Variants in R3HDM1 observed in about 807,000 individuals in gnomAD.
R3HDM1 encodes R3H domain-containing protein 1.
A neutral mutation model predicts 141.1 loss-of-function variants in R3HDM1; 46 were observed. That is an observed-to-expected ratio of 0.33 (90% confidence interval 0.26 to 0.42). R3HDM1 has a LOEUF of 0.42. Among genes scored for constraint, R3HDM1 ranks in the 10% least tolerant of loss-of-function variants. R3HDM1 has a pLI of 1.00. For synonymous variants in R3HDM1, 435 were observed against 472.9 expected (o/e 0.92, Z 1.04); for missense variants, 1,184 against 1,368.3 (o/e 0.87, Z 2.12).
At chr2:135,534,850 C>G (rs193159853) in intron 1 of R3HDM1, among the ~76,000 whole-genome samples, 2 of 152,164 alleles carry the variant, frequency 1.3e-5, no homozygotes, top group African/African-American at 4.8e-5. Context: ...TGAACTGGTA[C>G]TTTAATATAC....
intron 21 of R3HDM1, among the ~76,000 whole-genome samples, chr2:135,690,845 T>C (rs1355492674): frequency 6.6e-6 from 1 of 152,200 alleles, no homozygotes; most frequent in Non-Finnish European, 1.5e-5. Flanking sequence ...GTGCTTTAGC[T>C]ATTTCATTTT....
chr2:135,637,297 C>T lies in R3HDM1; in HGVS notation c.903+1114C>T, dbSNP rs1202958562. Reference sequence around the variant, plus strand: ...CTTACAGGAGTGAAGAGTTCCAAGTCGAGAGTCAGTATGTACAGAGGCCCA... The same window carrying T: ...CTTACAGGAGTGAAGAGTTCCAAGTTGAGAGTCAGTATGTACAGAGGCCCA... On this transcript the variant is annotated intron_variant, in intron 11 of 26. Coordinates refer to ENST00000683871, the MANE Select transcript of R3HDM1 (RefSeq NM_001378107.1). Among the ~76,000 whole-genome samples, 3 of 152,010 alleles carry T rather than the reference C, an allele frequency of 2.0e-5. 1 individual carries two copies. Among genetic ancestry groups the T allele is most frequent in the Admixed American group, 2.0e-4 (3 of 15,270 alleles).
Position 135,721,986 on chromosome 2 carries a change from G to C in R3HDM1, c.2944G>C (p.Gly982Arg), listed in dbSNP as rs780083659. The C allele has an allele frequency of 4.3e-6, 7 of 1,613,506 alleles. No homozygotes were observed. The Admixed American group carries it at 1.2e-4, about 27-fold the overall frequency. Residue 982 changes from glycine (G) to arginine (R), a missense_variant, in exon 25 of 27, where the codon GGA becomes CGA. Gly to Arg is a moderately radical substitution (Grantham distance 125, BLOSUM62 -2). Coordinates refer to ENST00000683871, the MANE Select transcript of R3HDM1 (RefSeq NM_001378107.1). ...LQYNPPAVLH[G>R]HIPNQQGQPG... ...GTACAATCCTCCTGCTGTTCTGCAC[G>C]GACACATTCCAAACCAACAGGTAGG...
chr2:135,534,037 C>T (rs888615246), intron 1 of R3HDM1: 2 of 984,648 alleles, frequency 2.0e-6, no homozygotes, highest in African/African-American at 3.5e-5. Flanking sequence ...AGAACACATT[C>T]TGTTACTGAA....
chr2:135,536,618 C>G lies in R3HDM1; in HGVS notation c.-250+4985C>G, dbSNP rs80240809. 589 of 887,550 alleles carry G rather than the reference C, an allele frequency of 6.6e-4. 3 individuals carry two copies. In the African/African-American group the frequency reaches 9.9e-3, roughly 15 times the overall value. 55.0% of individuals were successfully genotyped at this position (887,550 alleles called of 1,614,324 possible). The stretch of plus-strand genomic sequence containing the variant: ...TCGAGAGGGAATAACTTGATATTGT[C>G]TGATCTAAGCGTTTAAAATAGTGAA... On this transcript the variant is annotated intron_variant, in intron 1 of 26. Coordinates refer to ENST00000683871, the MANE Select transcript of R3HDM1 (RefSeq NM_001378107.1).
At chr2:135,609,108 AT>A (rs2060312812) in intron 3 of R3HDM1, among the ~76,000 whole-genome samples, 1 of 152,162 alleles carries the variant, frequency 6.6e-6, no homozygotes, top group Non-Finnish European at 1.5e-5. Context: ...AAATAATTTC[AT>A]CAAACCAGAG....
At chr2:135,577,414 C>CAAAAAAAAAAAAAAAAAA (rs35038268) in intron 1 of R3HDM1, among the ~76,000 whole-genome samples, 4 of 15,804 alleles carry the variant, frequency 2.5e-4, no homozygotes, top group Non-Finnish European at 6.7e-4. Flanking sequence ...ATTAAATGAC[C>CAAAAAAAAAAAAAAAAAA]AAAAAAAAAA....
chr2:135,590,422 T>C, intron 1 of R3HDM1: 1 of 392,380 alleles, frequency 2.5e-6, no homozygotes, highest in Non-Finnish European at 3.5e-6. Context: ...ACAAAAAAAC[T>C]GTATGCCCCC....
intron 7 of R3HDM1, among the ~76,000 whole-genome samples, chr2:135,624,921 C>G (rs1209770020): frequency 2.6e-5 from 4 of 152,066 alleles, no homozygotes; most frequent in Non-Finnish European, 5.9e-5. Flanking sequence ...ACAGAAAGGC[C>G]AAGTACTAAA....
intron 21 of R3HDM1, 128 bp from the exon 22 acceptor site, chr2:135,709,305 C>A: frequency 1.6e-6 from 2 of 1,247,892 alleles, no homozygotes; most frequent in Non-Finnish European, 2.2e-6. Flanking sequence ...GATCTCCTGA[C>A]CTCGTGATCC....
rs762650231 is a variant in R3HDM1 at position 135,680,250 on chromosome 2, T to G, written c.2385T>G (p.Asn795Lys). ...QQPVMFPNQS[N>K]QGSMPTTGMP... Reference sequence around the variant, plus strand: ...CTGTTATGTTCCCTAATCAGTCTAATCAAGGATCTATGCCCACAACAGGAA... The same window carrying G: ...CTGTTATGTTCCCTAATCAGTCTAAGCAAGGATCTATGCCCACAACAGGAA... The change falls in exon 21 of 27, where the codon AAT (asparagine) becomes AAG (lysine). Residue 795 changes from asparagine to lysine, a missense_variant. By Grantham distance (94) the Asn-to-Lys change is moderately conservative. Coordinates refer to ENST00000683871, the MANE Select transcript of R3HDM1 (RefSeq NM_001378107.1). 1 of 1,613,912 alleles carries G rather than the reference T, an allele frequency of 6.2e-7. No individual in the cohort carries two copies. Among genetic ancestry groups the G allele is most frequent in the Non-Finnish European group, 8.5e-7 (1 of 1,179,788 alleles).
Position 135,702,760 on chromosome 2 carries a change from C to T in R3HDM1, c.2460-6673C>T, listed in dbSNP as rs117710459. Among the ~76,000 whole-genome samples the T allele has an allele frequency of 0.011, 1,611 of 151,106 alleles. 99 individuals carry two copies. The East Asian group carries it at 0.19, about 18-fold the overall frequency. The stretch of plus-strand genomic sequence containing the variant: ...TGAACTTGGGAGGTGGAGGTTGCAG[C>T]GAGCCGAGATCGCACTCCAGCCTAG... On this transcript the variant is annotated intron_variant, in intron 21 of 26. Coordinates refer to ENST00000683871, the MANE Select transcript of R3HDM1 (RefSeq NM_001378107.1).
At chr2:135,561,230 A>T in intron 1 of R3HDM1, 1 of 875,548 alleles carries the variant, frequency 1.1e-6, no homozygotes, top group Non-Finnish European at 1.4e-6. Context: ...CCATTGATGG[A>T]CAACTTTGTA....
intron 9 of R3HDM1, among the ~76,000 whole-genome samples, chr2:135,635,138 T>C (rs1199736923): frequency 6.6e-6 from 1 of 152,264 alleles, no homozygotes; most frequent in Non-Finnish European, 1.5e-5. Context: ...TTCCAGTTAA[T>C]GTTAGCAAAC....
intron 1 of R3HDM1, chr2:135,577,182 G>A (rs1705640430): frequency 2.0e-6 from 2 of 983,528 alleles, no homozygotes; most frequent in Non-Finnish European, 2.4e-6. Flanking sequence ...TCAAAATGCA[G>A]AGACAACCAA....
At chr2:135,717,890 A>T (rs890415626) in intron 24 of R3HDM1, among the ~76,000 whole-genome samples, 12 of 152,198 alleles carry the variant, frequency 7.9e-5, no homozygotes, top group African/African-American at 2.9e-4. Flanking sequence ...ACGAACATCT[A>T]TAGCAACCTT....
chr2:135,533,668 G>A (rs1377953006), intron 1 of R3HDM1, among the ~76,000 whole-genome samples: 1 of 152,182 alleles, frequency 6.6e-6, no homozygotes, highest in Admixed American at 6.6e-5. Flanking sequence ...ACCTGAGGTC[G>A]GGAGTTGGAG....
At chr2:135,577,029 T>C in intron 1 of R3HDM1, 1 of 799,034 alleles carries the variant, frequency 1.3e-6, no homozygotes, top group Non-Finnish European at 1.5e-6. Context: ...TATCCAATAA[T>C]TAGCTGTTAC....
At chr2:135,662,779 T>C (rs1441444648) in intron 19 of R3HDM1, among the ~76,000 whole-genome samples, 2 of 152,244 alleles carry the variant, frequency 1.3e-5, no homozygotes, top group Non-Finnish European at 2.9e-5. Flanking sequence ...ACTGGTGTTT[T>C]ATTCAGAAAC....
Sources: gnomAD v4.1 joint callset for allele counts (sites outside exome capture counted in the v4.1 genomes callset) on GRCh38, gnomAD v4.1.1 for gene constraint, MANE v1.5 for transcripts, NCBI Gene and HGNC (gene_info 2026-07-23, HGNC 2026-07-21) for gene names.